The following GSG1 variants were observed in gnomAD, a reference collection of about 807,000 sequenced individuals.
GSG1 encodes the protein germ cell-specific gene 1 protein.
A neutral mutation model predicts 30.8 loss-of-function variants in GSG1; 28 were observed. The ratio of observed to expected loss-of-function variants is 0.91; its 90% CI spans 0.67 to 1.25. The LOEUF is 1.25. GSG1 is among the 50% of genes most tolerant of loss of function. The pLI is 0.00. For missense variants in GSG1, 435 were observed against 444.7 expected, an observed-to-expected ratio of 0.98 and a Z score of 0.20; for synonymous variants, 162 against 178.0, an observed-to-expected ratio of 0.91 and a Z score of 0.71.
intron 5 of GSG1, among the ~76,000 whole-genome samples, chr12:13,087,507 T>A (rs974714812): frequency 2.6e-5 from 4 of 152,198 alleles, no homozygotes; most frequent in Admixed American, 2.0e-4. Flanking sequence ...GAGTCAAGGC[T>A]GCACCCAAGG....
intron 1 of GSG1, among the ~76,000 whole-genome samples, chr12:13,091,238 G>A (rs979568687): frequency 1.1e-4 from 16 of 152,100 alleles, no homozygotes; most frequent in African/African-American, 3.6e-4. Flanking sequence ...CTGCCTTCCC[G>A]TGTCCAAACT....
intron 4 of GSG1, 130 bp downstream of exon 4, chr12:13,088,732 A>G (rs1231878188): frequency 2.5e-6 from 4 of 1,611,542 alleles, no homozygotes; most frequent in East Asian, 2.2e-5. Flanking sequence ...CTTATCAGAC[A>G]CATACTTGCC....
At chr12:13,099,943 C>T (rs557409045) in intron 1 of GSG1, among the ~76,000 whole-genome samples, 123 of 152,278 alleles carry the variant, frequency 8.1e-4, no homozygotes, top group Non-Finnish European at 1.5e-3. Context: ...CGGCTATCGC[C>T]GGTCTGATGA....
At position 13,085,009 on chromosome 12, in the gene GSG1, A is replaced by T; in HGVS notation, c.981T>A (p.Ser327=). Residue 327 remains serine (S), a synonymous_variant, in exon 7 of 7, where the codon TCT becomes TCA. Transcript: ENST00000651961. ...GCTCGGAGTAGAAGTCGACTCCCTC[A>T]GAGACAGAGTGGATGGGCTGATTAT... The part of the protein sequence containing the change: ...QYHNQPIHSV[S]EGVDFYSELR... The T allele has an allele frequency of 6.4e-7, 1 of 1,561,206 alleles. No homozygotes were observed. The highest frequency in any genetic ancestry group is 8.7e-7 in the Non-Finnish European group (1 of 1,151,842).
At chr12:13,086,647 G>A (rs1865551858) in intron 6 of GSG1, among the ~76,000 whole-genome samples, 1 of 152,002 alleles carries the variant, frequency 6.6e-6, no homozygotes, top group Non-Finnish European at 1.5e-5. Flanking sequence ...ATGACCCTAG[G>A]GTAGTGAAGT....
At position 13,084,017 on chromosome 12, in the gene GSG1, C is replaced by G. The variant is rs901528665; in HGVS notation, c.*884G>C. The G allele has an allele frequency of 2.6e-5, 4 of 152,098 alleles. No homozygotes were observed. Among genetic ancestry groups the G allele is most frequent in the Admixed American group, 1.3e-4 (2 of 15,272 alleles). The allele number at this position is 152,098 out of a possible 1,614,324, so 9.4% of individuals were successfully genotyped here. A position where few individuals can be genotyped will look rare whatever the true frequency, so the allele number is the denominator to read the frequency against. On this transcript the variant is annotated 3_prime_UTR_variant, in exon 7 of 7. Coordinates refer to ENST00000651961, the MANE Select transcript of GSG1 (RefSeq NM_001080555.4). ...CATATGTGTGCATGTGTCTTTATAG[C>G]AGCATGATTTGTAATCCTTTGGGTA... is the stretch of plus-strand genomic sequence containing the variant.
intron 1 of GSG1, among the ~76,000 whole-genome samples, chr12:13,099,179 C>A (rs951179271): frequency 6.6e-6 from 1 of 152,196 alleles, no homozygotes; most frequent in African/African-American, 2.4e-5. Context: ...ACATGAGTTT[C>A]TCTGCCTGGC....
chr12:13,087,357 C>T (rs898178426), intron 5 of GSG1, 94 bp from the exon 6 acceptor site: 13 of 893,224 alleles, frequency 1.5e-5, no homozygotes, highest in African/African-American at 1.3e-4. Context: ...TGCAGTCAGG[C>T]GCAGCCTCTG....
chr12:13,087,837 C>CA (rs760379909), intron 5 of GSG1, 70 bp downstream of exon 5: 8 of 1,512,546 alleles, frequency 5.3e-6, no homozygotes, highest in Non-Finnish European at 7.2e-6. Flanking sequence ...GGCAAAGACT[C>CA]AAGCCCTCCA....
Position 13,103,648 on chromosome 12 carries a change from T to C in GSG1, c.-136A>G. 2 of 932,326 alleles carry C rather than the reference T, an allele frequency of 2.1e-6. No homozygotes were observed. The highest frequency in any genetic ancestry group is 5.0e-5 in the East Asian group (2 of 40,392). The allele number at this position is 932,326 out of a possible 1,614,324, so 57.8% of individuals were successfully genotyped here. ...AGCAGAGGGGTAAGGTGGTGTGTGGTGGATTGGAGAGGATGTCCTGAGGGC... is the reference window on the plus strand; with the variant it reads ...AGCAGAGGGGTAAGGTGGTGTGTGGCGGATTGGAGAGGATGTCCTGAGGGC... On this transcript the variant is annotated 5_prime_UTR_variant, in exon 1 of 7. Transcript: ENST00000651961.
chr12:13,086,248 CA>C (rs1227398370), intron 6 of GSG1, among the ~76,000 whole-genome samples: 2 of 152,202 alleles, frequency 1.3e-5, no homozygotes, highest in Admixed American at 1.3e-4. Context: ...TGAAGACAGA[CA>C]AAAGGTGAGA....
intron 1 of GSG1, chr12:13,095,893 G>T: frequency 1.0e-6 from 1 of 968,554 alleles, no homozygotes; most frequent in Non-Finnish European, 1.5e-6. Flanking sequence ...AAAGAAGCAA[G>T]GACCTGCAAT....
intron 2 of GSG1, 47 bp downstream of exon 2, chr12:13,090,456 T>C (rs560828499): frequency 1.3e-6 from 2 of 1,545,194 alleles, no homozygotes; most frequent in South Asian, 2.5e-5. Flanking sequence ...ATTAGATCCC[T>C]TGCCCGCCCT....
chr12:13,102,813 G>A (rs988587524), intron 1 of GSG1, among the ~76,000 whole-genome samples: 1 of 152,244 alleles, frequency 6.6e-6, no homozygotes, highest in Non-Finnish European at 1.5e-5. Context: ...TGAAAGTTGG[G>A]AGGCTGGTCG....
rs768634384 is a variant in GSG1, at chr12:13,085,196, G to A, written c.794C>T (p.Thr265Ile). Residue 265 changes from threonine to isoleucine, a missense_variant, in exon 7 of 7, where the codon ACC (threonine) becomes ATC (isoleucine). By Grantham distance (89) the Thr-to-Ile change is moderately conservative. Coordinates refer to ENST00000651961, the MANE Select transcript of GSG1 (RefSeq NM_001080555.4). Reference sequence around the variant, plus strand: ...CACCATCCTGGTGTACGTGTTGAAGGTGGTGACAGCCGACGCCATGCAGCA... The same window carrying A: ...CACCATCCTGGTGTACGTGTTGAAGATGGTGACAGCCGACGCCATGCAGCA... ...FTCCMASAVT[T>I]FNTYTRMVLE... is the part of the protein sequence containing the mutation. The A allele has an allele frequency of 4.3e-6, 7 of 1,613,250 alleles. 1 individual carries two copies. The highest frequency in any genetic ancestry group is 1.6e-4 in the Middle Eastern group (1 of 6,070).
At chr12:13,085,900 G>A (rs1247971662) in intron 6 of GSG1, among the ~76,000 whole-genome samples, 1 of 152,178 alleles carries the variant, frequency 6.6e-6, no homozygotes, top group African/African-American at 2.4e-5. Flanking sequence ...TTTGTAATGG[G>A]TGGGAGAGGA....
chr12:13,092,789 C>CTTT (rs139352942), intron 1 of GSG1, among the ~76,000 whole-genome samples: 1 of 144,550 alleles, frequency 6.9e-6, no homozygotes, highest in African/African-American at 2.5e-5. Flanking sequence ...TAAACTTTTT[C>CTTT]TTTTTTTTTT....
intron 2 of GSG1, 63 bp downstream of exon 2, chr12:13,090,440 G>T: frequency 6.8e-7 from 1 of 1,476,812 alleles, no homozygotes; most frequent in Non-Finnish European, 9.2e-7. Flanking sequence ...TGATTTCCAT[G>T]CCTGCATTAG....
rs1863162798 is a variant in GSG1 at position 13,101,148 on chromosome 12, G to C, written c.48+2317C>G. Among the ~76,000 whole-genome samples the C allele has an allele frequency of 6.6e-6, 1 of 152,122 alleles. No individual in the cohort carries two copies. The highest frequency in any genetic ancestry group is 2.1e-4 in the South Asian group (1 of 4,828). ...GCGCGGGTGACGGCGCCAGCAGGCC[G>C]GCTGGGGCCGGGGGCGCTTGGGGAC... is the stretch of plus-strand genomic sequence containing the variant. On this transcript the variant is annotated intron_variant, in intron 1 of 6. Coordinates refer to ENST00000651961, the MANE Select transcript of GSG1 (RefSeq NM_001080555.4). The surrounding 1 kb of genome is among the most constrained non-coding windows in gnomAD (Gnocchi z 5.8).
Sources: allele counts gnomAD v4.1 joint callset (sites outside exome capture counted in the v4.1 genomes callset), GRCh38; gene constraint gnomAD v4.1.1; non-coding constraint Gnocchi (gnomAD v3.1); transcripts MANE v1.5; gene names NCBI Gene and HGNC (gene_info 2026-07-23, HGNC 2026-07-21).